The following HMOX2 variants were observed in gnomAD, a reference collection of about 807,000 sequenced individuals.
The protein encoded by HMOX2 is heme oxygenase (decycling) 2.
Under a neutral mutation model 33.7 loss-of-function variants are expected in HMOX2, and 30 were observed. The observed-to-expected ratio is 0.89, with a 90% confidence interval of 0.67 to 1.21. The LOEUF (loss-of-function observed/expected upper bound fraction) is 1.21. HMOX2 is among the 50% of genes most tolerant of loss of function. HMOX2 has a pLI of 0.00. For missense variants in HMOX2, 403 were observed against 399.1 expected, an observed-to-expected ratio of 1.01 and a Z score of -0.08; for synonymous variants, 155 against 155.0, an observed-to-expected ratio of 1.00 and a Z score of 0.00.
At chr16:4,474,932 C>G (rs1255278260), upstream of HMOX2, 1 of 151,996 alleles carries the variant, frequency 6.6e-6, no homozygotes, top group Non-Finnish European at 1.5e-5. Context: ...TTTTCTTTGC[C>G]TAACTCACTT....
chr16:4,495,395 A>G (rs941268997), intron 1 of HMOX2: 4 of 152,216 alleles, frequency 2.6e-5, no homozygotes, highest in African/African-American at 7.2e-5. Flanking sequence ...GGCACAGTCT[A>G]TGTAGGATGA....
At chr16:4,507,100 C>T in intron 3 of HMOX2, 88 bp downstream of exon 3, 3 of 826,816 alleles carry the variant, frequency 3.6e-6, no homozygotes, top group Non-Finnish European at 6.3e-6. Context: ...TGGAGCCACT[C>T]TGAGGGAAAA....
chr16:4,500,560 C>T (rs2058534297), intron 1 of HMOX2, among the ~76,000 whole-genome samples: 1 of 152,156 alleles, frequency 6.6e-6, no homozygotes, highest in Non-Finnish European at 1.5e-5. Context: ...TCCTTCAGTT[C>T]AGGTTTCTCC....
At position 4,484,269 on chromosome 16, in the gene HMOX2, C is replaced by T. The variant is rs142412618; in HGVS notation, c.-42+7782C>T. Among the ~76,000 whole-genome samples, 526 of 152,186 alleles carry T rather than the reference C, an allele frequency of 3.5e-3. 3 individuals carry two copies. The highest frequency in any genetic ancestry group is 0.012 in the African/African-American group (499 of 41,520). Reference sequence around the variant, plus strand: ...GATTACAGGCGTGAGCCACTGCACCCGGCCTCATATGCCCAAATTTTAAAG... The same window carrying T: ...GATTACAGGCGTGAGCCACTGCACCTGGCCTCATATGCCCAAATTTTAAAG... On this transcript the variant is annotated intron_variant, in intron 1 of 5. Transcript: ENST00000570646.
intron 1 of HMOX2, 100 bp downstream of exon 1, chr16:4,476,587 G>T (rs1220635516): frequency 6.6e-6 from 1 of 152,292 alleles, no homozygotes; most frequent in African/African-American, 2.4e-5. Flanking sequence ...CTTCGGACCT[G>T]GGCTTGGCCG....
chr16:4,503,971 GTGC>G (rs1363681336), intron 1 of HMOX2, among the ~76,000 whole-genome samples: 1 of 152,212 alleles, frequency 6.6e-6, no homozygotes, highest in East Asian at 1.9e-4. Context: ...CGGTGCTACT[GTGC>G]TGCTATTCAT....
chr16:4,481,555 G>A (rs192368966), intron 1 of HMOX2, among the ~76,000 whole-genome samples: 1 of 152,132 alleles, frequency 6.6e-6, no homozygotes, highest in Non-Finnish European at 1.5e-5. Context: ...GGAAAGTCGG[G>A]TACATAAAGC....
chr16:4,493,424 A>G lies in HMOX2; in HGVS notation c.-41-12060A>G, dbSNP rs191668536. Among the ~76,000 whole-genome samples the G allele has an allele frequency of 3.1e-4, 47 of 152,344 alleles. 1 individual carries two copies. Among genetic ancestry groups the G allele is most frequent in the Non-Finnish European group, 5.6e-4 (38 of 68,028 alleles). ...CAGCACCATATGATGTCACAGTTTT[A>G]TAACTCATTTATCTCATTTAATTCT... is the stretch of plus-strand genomic sequence containing the variant. On this transcript the variant is annotated intron_variant, in intron 1 of 5. Transcript: ENST00000570646.
intron 1 of HMOX2, among the ~76,000 whole-genome samples, chr16:4,501,047 C>T (rs1205310278): frequency 6.6e-6 from 1 of 151,902 alleles, no homozygotes; most frequent in African/African-American, 2.4e-5. Flanking sequence ...AAAAGAGGAC[C>T]CAGGAGCTTC....
chr16:4,508,158 A>G lies in HMOX2; in HGVS notation c.650A>G (p.Glu217Gly), dbSNP rs1233914072. ...CTGGACCTGAACATGAAGACCAAAG[A>G]GAGGATCGTGGAGGAGGCCAACAAG... ...NALDLNMKTK[E>G]RIVEEANKAF... The change falls in exon 4 of 6, where the codon GAG becomes GGG. Residue 217 changes from glutamate to glycine, a missense_variant. By Grantham distance (98) the Glu-to-Gly change is moderately conservative (BLOSUM62 -2). Coordinates refer to ENST00000570646, the MANE Select transcript of HMOX2 (RefSeq NM_002134.4). 1 of 1,613,694 alleles carries G rather than the reference A, an allele frequency of 6.2e-7. No homozygotes were observed. Among genetic ancestry groups the G allele is most frequent in the Non-Finnish European group, 8.5e-7 (1 of 1,179,836 alleles).
chr16:4,508,586 G>A (rs1182671547), intron 4 of HMOX2, among the ~76,000 whole-genome samples: 3 of 152,154 alleles, frequency 2.0e-5, no homozygotes, highest in Non-Finnish European at 4.4e-5. Flanking sequence ...TGCCACCAAG[G>A]AGAGTAAATA....
In HMOX2 at chr16:4,481,201, T is replaced by A. The variant is rs1472578965; in HGVS notation, c.-42+4714T>A. 1.3e-5 allele frequency among the ~76,000 whole-genome samples: 2 copies of A among 151,448 alleles called. 1 individual carries two copies. Among genetic ancestry groups the A allele is most frequent in the Non-Finnish European group, 2.9e-5 (2 of 67,862 alleles). ...CTCTACTAAAAAATACAAAAAAAATTAGCCGGGCATGGTGGCGGGCGCCTG... is the reference window on the plus strand; with the variant it reads ...CTCTACTAAAAAATACAAAAAAAATAAGCCGGGCATGGTGGCGGGCGCCTG... On this transcript the variant is annotated intron_variant, in intron 1 of 5. Coordinates refer to ENST00000570646, the MANE Select transcript of HMOX2 (RefSeq NM_002134.4).
At chr16:4,481,242 G>C (rs899910822) in intron 1 of HMOX2, among the ~76,000 whole-genome samples, 1 of 151,630 alleles carries the variant, frequency 6.6e-6, no homozygotes, top group Admixed American at 6.6e-5. Flanking sequence ...CCGGCTACTC[G>C]GGAGGCTGAG....
intron 1 of HMOX2, among the ~76,000 whole-genome samples, chr16:4,482,484 A>G (rs2058055789): frequency 2.0e-5 from 3 of 152,188 alleles, no homozygotes; most frequent in Admixed American, 2.0e-4. Context: ...CCTCTAAGTC[A>G]GTTAAATTCT....
chr16:4,509,575 G>A, intron 5 of HMOX2, 37 bp downstream of exon 5: 1 of 1,614,098 alleles, frequency 6.2e-7, no homozygotes, highest in Non-Finnish European at 8.5e-7. Context: ...TCCTGGGGCA[G>A]GTGTAGCAGG....
chr16:4,493,578 C>T (rs2058351276), intron 1 of HMOX2, among the ~76,000 whole-genome samples: 1 of 152,210 alleles, frequency 6.6e-6, no homozygotes. Flanking sequence ...TTGGTTGTGC[C>T]TTTCTACAGC....
intron 1 of HMOX2, among the ~76,000 whole-genome samples, chr16:4,482,056 G>A (rs2058045055): frequency 6.6e-6 from 1 of 152,202 alleles, no homozygotes; most frequent in Admixed American, 6.6e-5. Flanking sequence ...GGAAGGCAGA[G>A]GGAAAGTCAG....
chr16:4,478,391 G>T (rs368802652), intron 1 of HMOX2, among the ~76,000 whole-genome samples: 1 of 152,002 alleles, frequency 6.6e-6, no homozygotes, highest in East Asian at 1.9e-4. Flanking sequence ...AGGACAGTTG[G>T]GCTCTACATC....
At chr16:4,487,858 G>A (rs990350766) in intron 1 of HMOX2, among the ~76,000 whole-genome samples, 3 of 151,950 alleles carry the variant, frequency 2.0e-5, no homozygotes, top group Non-Finnish European at 4.4e-5. Context: ...GGCAGAGGCA[G>A]GAGAACTGCT....
Sources: gnomAD v4.1 joint callset for allele counts (sites outside exome capture counted in the v4.1 genomes callset) on GRCh38, gnomAD v4.1.1 for gene constraint, MANE v1.5 for transcripts, NCBI Gene and HGNC (gene_info 2026-07-23, HGNC 2026-07-21) for gene names.